The following KDM4B variants were observed in gnomAD, a reference collection of about 807,000 sequenced individuals.
KDM4B encodes the protein lysine demethylase 4B.
KDM4B carries 32 observed loss-of-function variants against 125.2 expected under a neutral mutation model. That is an observed-to-expected ratio of 0.26 (90% confidence interval 0.19 to 0.34). KDM4B has a LOEUF of 0.34. KDM4B is among the 10% of genes least tolerant of loss of function. The probability of loss-of-function intolerance (pLI) is 1.00; values close to 1 mark genes in which losing one functional copy is unlikely to be tolerated. For synonymous variants in KDM4B, 721 were observed against 677.9 expected, an observed-to-expected ratio of 1.06 and a Z score of -0.99; for missense variants, 1,190 against 1,577.7, an observed-to-expected ratio of 0.75 and a Z score of 4.16.
At chr19:5,034,176 G>A (rs575692654) in intron 3 of KDM4B, among the ~76,000 whole-genome samples, 7 of 152,308 alleles carry the variant, frequency 4.6e-5, no homozygotes, top group East Asian at 1.9e-4. Flanking sequence ...CACGTTTCAC[G>A]GCTCTGAAGG....
rs115368775 is a variant in KDM4B, at chr19:5,012,640, T to A, written c.-108-3617T>A. On this transcript the variant is annotated intron_variant, in intron 1 of 22. Coordinates refer to ENST00000159111, the MANE Select transcript of KDM4B (RefSeq NM_015015.3). ...AGGCAGATGGTAGGGCGCCCCTCGA[T>A]TGGGGTGTGTCTGGCATTTTGCTCA... Among the ~76,000 whole-genome samples, 1,150 of 152,174 alleles carry A rather than the reference T, an allele frequency of 7.6e-3. 12 individuals carry two copies. The highest frequency in any genetic ancestry group is 0.027 in the African/African-American group (1,105 of 41,540).
At chr19:5,099,211 C>G (rs952938248) in intron 9 of KDM4B, among the ~76,000 whole-genome samples, 3 of 152,152 alleles carry the variant, frequency 2.0e-5, no homozygotes, top group African/African-American at 7.2e-5. Context: ...GCAAATACCC[C>G]AAAGTCCAAG....
intron 9 of KDM4B, among the ~76,000 whole-genome samples, chr19:5,108,030 C>A (rs559431078): frequency 3.3e-4 from 50 of 152,350 alleles, no homozygotes; most frequent in African/African-American, 1.0e-3. Flanking sequence ...GCAGTGGCAG[C>A]CCCTGGAGCA....
chr19:5,108,865 A>T (rs2039085188), intron 9 of KDM4B, among the ~76,000 whole-genome samples: 2 of 152,264 alleles, frequency 1.3e-5, no homozygotes, highest in Admixed American at 6.5e-5. Context: ...GCCTCTCCCC[A>T]GCAGGAGATG....
At chr19:5,096,605 C>T (rs2038828694) in intron 9 of KDM4B, among the ~76,000 whole-genome samples, 1 of 150,290 alleles carries the variant, frequency 6.7e-6, no homozygotes, top group South Asian at 2.1e-4. Context: ...GCGCCTGTTG[C>T]CGCGGTGCCC....
At chr19:5,036,425 C>T (rs1395093216) in intron 3 of KDM4B, among the ~76,000 whole-genome samples, 2 of 152,208 alleles carry the variant, frequency 1.3e-5, no homozygotes, top group Non-Finnish European at 2.9e-5. Context: ...GCCCTCCACA[C>T]GGGGTGTCCC....
rs376827867 is a variant in KDM4B at position 5,035,863 on chromosome 19, C to CTGTGTGTGTGTGTGTGTGTGTGTGTG, written c.141+2850_141+2851insTGTGTGTGTGTGTGTGTGTGTGTGTG. 1.2e-4 allele frequency among the ~76,000 whole-genome samples: 17 copies of CTGTGTGTGTGTGTGTGTGTGTGTGTG among 142,284 alleles called. No individual in the cohort carries two copies. Among genetic ancestry groups the CTGTGTGTGTGTGTGTGTGTGTGTGTG allele is most frequent in the African/African-American group, 4.4e-4 (17 of 38,538 alleles). 93.3% of individuals were successfully genotyped at this position (142,284 alleles called of 152,430 possible). On this transcript the variant is annotated intron_variant, in intron 3 of 22. Coordinates refer to ENST00000159111, the MANE Select transcript of KDM4B (RefSeq NM_015015.3). The surrounding 1 kb of genome is among the most constrained non-coding windows in gnomAD (Gnocchi z 5.3). ...GGAGGGGCTGTGTGTGCACGTGTCT[C>CTGTGTGTGTGTGTGTGTGTGTGTGTG]TGTGTGTGTGTGTGTGTGCGCGCGC...
At chr19:5,126,149 G>A (rs767461257) in intron 11 of KDM4B, among the ~76,000 whole-genome samples, 12 of 152,192 alleles carry the variant, frequency 7.9e-5, no homozygotes, top group Non-Finnish European at 1.5e-4. Context: ...AGAACCTGTT[G>A]CTCACAGGGG....
At chr19:5,017,209 T>C (rs2035919484) in intron 2 of KDM4B, among the ~76,000 whole-genome samples, 1 of 152,226 alleles carries the variant, frequency 6.6e-6, no homozygotes, top group Admixed American at 6.5e-5. Context: ...TCTGTTCTAC[T>C]ACGATTAGGA....
intron 9 of KDM4B, among the ~76,000 whole-genome samples, chr19:5,107,441 C>G (rs565602939): frequency 5.9e-5 from 9 of 152,228 alleles, no homozygotes; most frequent in Non-Finnish European, 1.3e-4. Flanking sequence ...TGCACAGCCT[C>G]ACAGACACCC....
At chr19:4,978,294 G>T (rs139809180) in intron 1 of KDM4B, among the ~76,000 whole-genome samples, 177 of 151,976 alleles carry the variant, frequency 1.2e-3, no homozygotes, top group Admixed American at 3.4e-3. Flanking sequence ...ATCACCTGGG[G>T]TCAGGAGTTC....
intron 11 of KDM4B, among the ~76,000 whole-genome samples, chr19:5,126,947 G>A (rs2039460361): frequency 6.6e-6 from 1 of 152,228 alleles, no homozygotes; most frequent in Non-Finnish European, 1.5e-5. Context: ...GGAAATGGGT[G>A]GTTTCTTGCC....
chr19:5,134,686 A>G (rs146444354), intron 14 of KDM4B, among the ~76,000 whole-genome samples: 39 of 152,262 alleles, frequency 2.6e-4, no homozygotes, highest in African/African-American at 9.1e-4. Flanking sequence ...TCCTAGCCCC[A>G]TGCCAAGCAT....
At chr19:5,100,734 T>C (rs892049281) in intron 9 of KDM4B, among the ~76,000 whole-genome samples, 1 of 152,202 alleles carries the variant, frequency 6.6e-6, no homozygotes, top group Non-Finnish European at 1.5e-5. Flanking sequence ...TTTTTATTAA[T>C]TTGTTTTCTG....
At chr19:5,088,216 A>G (rs748870167) in intron 9 of KDM4B, among the ~76,000 whole-genome samples, 10 of 152,182 alleles carry the variant, frequency 6.6e-5, no homozygotes, top group Non-Finnish European at 1.5e-4. Context: ...GACCGTCCAC[A>G]CCTGCAGGGG....
In KDM4B at chr19:5,151,500, G is replaced by T; in HGVS notation, c.3280G>T (p.Ala1094Ser). The change falls in exon 23 of 23, where the codon GCC (alanine) becomes TCC (serine). Residue 1094 changes from alanine to serine, a missense_variant. Around this residue, in one of 7 missense-constraint regions of KDM4B, gnomAD observed 109 missense variants for 93.8 expected, o/e 1.16. Coordinates refer to ENST00000159111, the MANE Select transcript of KDM4B (RefSeq NM_015015.3). ...CCTGCAGGTGCAGGGCCGGCCCGGA[G>T]CCCCCTTCTAGGACAGCTGGCCGCT... ...SLLQVQGRPG[A>S]PF 6.9e-7 allele frequency: 1 copy of T among 1,440,536 alleles called. No individual in the cohort carries two copies. Among genetic ancestry groups the T allele is most frequent in the Non-Finnish European group, 9.1e-7 (1 of 1,093,426 alleles). 89.2% of individuals were successfully genotyped at this position (1,440,536 alleles called of 1,614,324 possible).
chr19:5,065,507 A>G (rs2037740037), intron 6 of KDM4B, among the ~76,000 whole-genome samples: 1 of 152,234 alleles, frequency 6.6e-6, no homozygotes, highest in South Asian at 2.1e-4. Context: ...AAAATAGCAC[A>G]TTTGCTGGCT....
chr19:5,096,751 G>T (rs1030748899), intron 9 of KDM4B, among the ~76,000 whole-genome samples: 48 of 150,602 alleles, frequency 3.2e-4, no homozygotes, highest in South Asian at 8.5e-4. Flanking sequence ...GGTGCCCCCG[G>T]CGGTGTCGGT....
chr19:5,143,687 C>T (rs938241307), intron 18 of KDM4B, among the ~76,000 whole-genome samples: 1 of 152,052 alleles, frequency 6.6e-6, no homozygotes, highest in Non-Finnish European at 1.5e-5. Context: ...GGAGAGGACT[C>T]CCCGGGGGCT....
Sources: allele counts gnomAD v4.1 joint callset (sites outside exome capture counted in the v4.1 genomes callset), GRCh38; gene constraint gnomAD v4.1.1; regional missense constraint gnomAD v4.1.1; non-coding constraint Gnocchi (gnomAD v3.1); transcripts MANE v1.5; gene names NCBI Gene and HGNC (gene_info 2026-07-23, HGNC 2026-07-21).